The following PTPRZ1 variants were observed in gnomAD, a reference collection of about 807,000 sequenced individuals.
The protein encoded by PTPRZ1 is protein tyrosine phosphatase receptor type Z1.
PTPRZ1 carries 82 observed loss-of-function variants against 214.1 expected under a neutral mutation model. The observed-to-expected ratio is 0.38, with a 90% CI of 0.32 to 0.46. The LOEUF is 0.46. PTPRZ1 is among the 20% of genes least tolerant of loss of function. PTPRZ1 has a pLI of 1.00. For synonymous variants in PTPRZ1, 945 were observed against 987.9 expected (o/e 0.96, Z 0.81); for missense variants, 2,603 against 2,748.7 (o/e 0.95, Z 1.19).
chr7:121,986,871 T>C (rs1384286031), intron 8 of PTPRZ1, among the ~76,000 whole-genome samples: 1 of 152,220 alleles, frequency 6.6e-6, no homozygotes, highest in East Asian at 1.9e-4. Context: ...TGTCTACTTA[T>C]CCTATATGTG....
At chr7:121,884,827 C>A (rs1794350398) in intron 1 of PTPRZ1, among the ~76,000 whole-genome samples, 2 of 152,128 alleles carry the variant, frequency 1.3e-5, no homozygotes, top group Admixed American at 6.5e-5. Context: ...TGTGGAAATT[C>A]AGAACAAGGA....
chr7:121,918,363 C>T (rs75546516), intron 1 of PTPRZ1, among the ~76,000 whole-genome samples: 6,761 of 152,254 alleles, frequency 0.044, 191 homozygotes, highest in East Asian at 0.083. Context: ...CCCAGTGCAT[C>T]TGATCATCAT....
chr7:121,929,085 C>A (rs1396759260), intron 2 of PTPRZ1, among the ~76,000 whole-genome samples: 2 of 152,086 alleles, frequency 1.3e-5, no homozygotes, highest in African/African-American at 4.8e-5. Flanking sequence ...TTTCTTTCTT[C>A]TTTTTAATTG....
At chr7:121,948,763 T>TA (rs1796464553) in intron 2 of PTPRZ1, among the ~76,000 whole-genome samples, 1 of 151,156 alleles carries the variant, frequency 6.6e-6, no homozygotes, top group South Asian at 2.1e-4. Context: ...ACAATCCATT[T>TA]TTTTTTTTTT....
intron 2 of PTPRZ1, among the ~76,000 whole-genome samples, chr7:121,961,230 C>T (rs1353563154): frequency 2.0e-5 from 3 of 152,194 alleles, no homozygotes; most frequent in African/African-American, 7.2e-5. Flanking sequence ...GCCTCCCTGC[C>T]TCTCACTGGT....
intron 8 of PTPRZ1, among the ~76,000 whole-genome samples, chr7:121,987,168 T>G (rs763481000): frequency 1.3e-5 from 2 of 152,218 alleles, no homozygotes; most frequent in Non-Finnish European, 2.9e-5. Context: ...CAGAAACACA[T>G]CTCTTCTGCA....
At chr7:121,966,510 A>G (rs1797050827) in intron 2 of PTPRZ1, among the ~76,000 whole-genome samples, 1 of 152,202 alleles carries the variant, frequency 6.6e-6, no homozygotes, top group African/African-American at 2.4e-5. Context: ...TACTCAAATC[A>G]TTAAAACTGT....
rs989710641 is a variant in PTPRZ1 at position 121,942,255 on chromosome 7, G to C, written c.124+14034G>C. ...CTGCAAATTGATTGACAATGTTACT[G>C]ACCTGTAAATCAAAGGATTCCCCAT... On this transcript the variant is annotated intron_variant, in intron 2 of 29. Transcript: ENST00000393386. 4.6e-5 allele frequency among the ~76,000 whole-genome samples: 7 copies of C among 152,156 alleles called. No homozygotes were observed. In the East Asian group the frequency reaches 1.2e-3, roughly 25 times the overall value.
chr7:121,874,064 A>C (rs1033779737), intron 1 of PTPRZ1, among the ~76,000 whole-genome samples: 1 of 151,276 alleles, frequency 6.6e-6, no homozygotes, highest in Non-Finnish European at 1.5e-5. Context: ...ACACACACAC[A>C]CCTGAAAGGT....
chr7:122,028,058 T>C (rs1799256161), intron 13 of PTPRZ1, among the ~76,000 whole-genome samples: 1 of 152,246 alleles, frequency 6.6e-6, no homozygotes, highest in South Asian at 2.1e-4. Flanking sequence ...AGGTAATTTC[T>C]ACATAGTTCA....
chr7:122,013,384 A>T lies in PTPRZ1; in HGVS notation c.4338A>T (p.Ser1446=). The change falls in exon 12 of 30, where the codon TCA becomes TCT. Residue 1446 remains serine, a synonymous_variant. Transcript: ENST00000393386. ...GLSIHKCMSC[S]SYRESQEKVM... is the part of the protein sequence containing the mutation. The stretch of plus-strand genomic sequence containing the variant: ...CCATTCATAAGTGTATGTCATGCTC[A>T]TCCTATAGAGAATCACAGGAAAAGG... The T allele has an allele frequency of 1.9e-6, 3 of 1,614,202 alleles. No homozygotes were observed. Among genetic ancestry groups the T allele is most frequent in the South Asian group, 2.2e-5 (2 of 91,088 alleles).
chr7:122,034,010 C>A, intron 15 of PTPRZ1, 85 bp from the exon 16 acceptor site: 4 of 1,247,088 alleles, frequency 3.2e-6, no homozygotes, highest in Non-Finnish European at 4.6e-6. Flanking sequence ...CCATTGTAAA[C>A]CTAATATGAA....
At chr7:121,915,597 T>C (rs1395964554) in intron 1 of PTPRZ1, among the ~76,000 whole-genome samples, 1 of 152,206 alleles carries the variant, frequency 6.6e-6, no homozygotes, top group Non-Finnish European at 1.5e-5. Flanking sequence ...TTAGGCATTA[T>C]ACTCTGGTTT....
At chr7:121,876,780 A>G (rs1321150610) in intron 1 of PTPRZ1, among the ~76,000 whole-genome samples, 1 of 152,140 alleles carries the variant, frequency 6.6e-6, no homozygotes, top group Non-Finnish European at 1.5e-5. Context: ...AGGAGAAATC[A>G]TTTCATTGAT....
chr7:122,031,375 A>G (rs999093795), intron 14 of PTPRZ1, 99 bp from the exon 15 acceptor site: 6 of 811,850 alleles, frequency 7.4e-6, no homozygotes. Flanking sequence ...TTAGAATTAT[A>G]CAAATAATTG....
intron 11 of PTPRZ1, among the ~76,000 whole-genome samples, chr7:122,006,767 A>G (rs1798499161): frequency 6.6e-6 from 1 of 152,142 alleles, no homozygotes; most frequent in Non-Finnish European, 1.5e-5. Context: ...AACAGGAAAC[A>G]GATGCCACAC....
intron 28 of PTPRZ1, 134 bp from the exon 29 acceptor site, chr7:122,059,619 C>T (rs949783019): frequency 1.9e-5 from 19 of 982,798 alleles, no homozygotes; most frequent in Middle Eastern, 2.7e-4. Flanking sequence ...GTGCAAAAAG[C>T]GAAGAGAGAC....
chr7:121,964,743 A>G (rs1282090318), intron 2 of PTPRZ1, among the ~76,000 whole-genome samples: 2 of 152,210 alleles, frequency 1.3e-5, no homozygotes, highest in Non-Finnish European at 2.9e-5. Flanking sequence ...TGGTTCAGCG[A>G]AAGTCTCTCC....
intron 12 of PTPRZ1, among the ~76,000 whole-genome samples, chr7:122,014,151 T>G (rs1798775915): frequency 6.6e-6 from 1 of 152,164 alleles, no homozygotes; most frequent in Non-Finnish European, 1.5e-5. Flanking sequence ...TATTTCATAC[T>G]CTACAGGATG....
Sources: allele counts gnomAD v4.1 joint callset (sites outside exome capture counted in the v4.1 genomes callset), GRCh38; gene constraint gnomAD v4.1.1; transcripts MANE v1.5; gene names NCBI Gene and HGNC (gene_info 2026-07-23, HGNC 2026-07-21).